Variants in LYST observed in about 807,000 individuals in gnomAD.
LYST encodes the protein lysosomal trafficking regulator.
Under a neutral mutation model 413.6 loss-of-function variants are expected in LYST, and 192 were observed. The ratio of observed to expected loss-of-function variants is 0.46; its 90% CI spans 0.41 to 0.52. LYST has a LOEUF of 0.52. LYST is among the 20% of genes least tolerant of loss of function. The pLI, the probability that LYST is intolerant of heterozygous loss-of-function variation, is 0.00. For synonymous variants in LYST, 1,525 were observed against 1,567.3 expected (o/e 0.97, Z 0.64); for missense variants, 3,815 against 4,499.9 (o/e 0.85, Z 4.35).
At chr1:235,830,464 C>T in intron 2 of LYST, 40 bp from the exon 3 acceptor site, 1 of 1,423,216 alleles carries the variant, frequency 7.0e-7, no homozygotes, top group Non-Finnish European at 9.7e-7. Flanking sequence ...ATTAGGAAAA[C>T]AAATACAAAT....
intron 19 of LYST, among the ~76,000 whole-genome samples, chr1:235,770,862 CCTTAAAATG>C (rs1200576085): frequency 1.5e-4 from 23 of 152,262 alleles, no homozygotes; most frequent in African/African-American, 5.5e-4. Flanking sequence ...CTTGACAGTG[CCTTAAAATG>C]CTTCTCCCAT....
At chr1:235,864,945 G>A (rs1680322007) in intron 1 of LYST, among the ~76,000 whole-genome samples, 1 of 152,084 alleles carries the variant, frequency 6.6e-6, no homozygotes. Flanking sequence ...AAAAATAAAA[G>A]GTAAGGTTCT....
At chr1:235,801,715 A>G (rs917257165) in intron 8 of LYST, among the ~76,000 whole-genome samples, 3 of 152,246 alleles carry the variant, frequency 2.0e-5, no homozygotes, top group Non-Finnish European at 4.4e-5. Context: ...GAAATCCAAA[A>G]TTATAAAGTC....
At chr1:235,731,843 C>G (rs1160154110) in intron 34 of LYST, among the ~76,000 whole-genome samples, 2 of 152,100 alleles carry the variant, frequency 1.3e-5, no homozygotes, top group Non-Finnish European at 2.9e-5. Flanking sequence ...CAGGCGTGAG[C>G]GCCCTCACCT....
intron 10 of LYST, among the ~76,000 whole-genome samples, chr1:235,798,578 TA>T (rs71174462): frequency 1.8e-4 from 15 of 81,696 alleles, no homozygotes; most frequent in South Asian, 5.5e-4. Context: ...AACCCTGTCA[TA>T]AAAAAAAAAA....
intron 1 of LYST, among the ~76,000 whole-genome samples, chr1:235,852,464 C>T (rs1019585985): frequency 6.6e-6 from 1 of 152,190 alleles, no homozygotes; most frequent in Non-Finnish European, 1.5e-5. Context: ...AATCTCAGCA[C>T]TTTGCCGGAC....
At chr1:235,873,812 C>G (rs1362692042) in intron 1 of LYST, among the ~76,000 whole-genome samples, 1 of 152,178 alleles carries the variant, frequency 6.6e-6, no homozygotes, top group African/African-American at 2.4e-5. Context: ...ACACAATAGA[C>G]AGGCTAAGAA....
In LYST at chr1:235,709,098, T is replaced by A. The variant is rs1221711296; in HGVS notation, c.10136A>T (p.His3379Leu). ...TTTAAAAGAGTCACTTACAGCAGGA[T>A]GAAAAACATTGATCGCTTGAACAGA... ...KASVQAINVF[H>L]PATYFGMDVS... The change falls in exon 44 of 53, where the codon CAT becomes CTT. Residue 3379 changes from histidine (H) to leucine (L), a missense_variant. His to Leu is a moderately conservative substitution (Grantham distance 99). Coordinates refer to ENST00000389793, the MANE Select transcript of LYST (RefSeq NM_000081.4). 1 of 1,613,832 alleles carries A rather than the reference T, an allele frequency of 6.2e-7. No individual in the cohort carries two copies. Among genetic ancestry groups the A allele is most frequent in the Non-Finnish European group, 8.5e-7 (1 of 1,179,756 alleles).
Position 235,810,204 on chromosome 1 carries a change from AG to A in LYST, c.613del (p.Asp206ThrfsTer3). The A allele has an allele frequency of 6.2e-7, 1 of 1,614,098 alleles. No individual in the cohort carries two copies. The highest frequency in any genetic ancestry group is 8.5e-7 in the Non-Finnish European group (1 of 1,179,966). ...CTGTTCTTTGGTTGCTAAGCGGTCAAGTTTAGCTTTGGGGTGGTCTTGTTTA... is the reference window on the plus strand; with the variant it reads ...CTGTTCTTTGGTTGCTAAGCGGTCAATTTAGCTTTGGGGTGGTCTTGTTTA... Reference protein sequence around the residue: ...FPKQDHPKAKLDRLATKEQTP... With the variant: ...FPKQDHPKAKXDRLATKEQTP... On this transcript the variant is annotated frameshift_variant, in exon 5 of 53. Coordinates refer to ENST00000389793, the MANE Select transcript of LYST (RefSeq NM_000081.4). LOFTEE classifies it high-confidence loss of function.
intron 39 of LYST, among the ~76,000 whole-genome samples, chr1:235,722,859 AATC>A (rs763540956): frequency 2.6e-5 from 4 of 152,246 alleles, no homozygotes; most frequent in Non-Finnish European, 4.4e-5. Flanking sequence ...GGTCAAAAAT[AATC>A]ATCATATAAC....
chr1:235,831,454 C>T (rs903199279), intron 2 of LYST, among the ~76,000 whole-genome samples: 1 of 152,068 alleles, frequency 6.6e-6, no homozygotes, highest in Non-Finnish European at 1.5e-5. Context: ...TGAAAGGTCA[C>T]GCAGAGATGG....
chr1:235,708,037 T>C (rs1365143757), intron 44 of LYST, among the ~76,000 whole-genome samples: 1 of 152,166 alleles, frequency 6.6e-6, no homozygotes, highest in Admixed American at 6.5e-5. Context: ...ATTTTTGGAT[T>C]AAGAATGCTC....
chr1:235,834,234 T>G (rs1026062456), intron 1 of LYST, among the ~76,000 whole-genome samples: 2 of 152,200 alleles, frequency 1.3e-5, no homozygotes, highest in African/African-American at 4.8e-5. Context: ...AGGATAAATT[T>G]CTATTTCTGG....
chr1:235,702,806 A>G lies in LYST; in HGVS notation c.10315T>C (p.Leu3439=). The change falls in exon 45 of 53, where the codon TTG becomes CTG. Residue 3439 remains leucine (L), a synonymous_variant. Coordinates refer to ENST00000389793, the MANE Select transcript of LYST (RefSeq NM_000081.4). The part of the protein sequence containing the change: ...IEGELPAAVG[L]LVQFAFRETR... ...TCCCTGAAAGCAAACTGCACTAGCA[A>G]CCCCACAGCAGCTGGAAGCTCTCCT... 6.2e-7 allele frequency: 1 copy of G among 1,614,078 alleles called. No individual in the cohort carries two copies. Among genetic ancestry groups the G allele is most frequent in the Non-Finnish European group, 8.5e-7 (1 of 1,180,000 alleles).
chr1:235,809,509 T>A lies in LYST; in HGVS notation c.1309A>T (p.Ile437Phe). 6.2e-7 allele frequency: 1 copy of A among 1,614,106 alleles called. No individual in the cohort carries two copies. Among genetic ancestry groups the A allele is most frequent in the African/African-American group, 1.3e-5 (1 of 75,046 alleles). Residue 437 changes from isoleucine to phenylalanine, a missense_variant, in exon 5 of 53, where the codon ATT (isoleucine) becomes TTT (phenylalanine). By Grantham distance (21) the Ile-to-Phe change is conservative. Coordinates refer to ENST00000389793, the MANE Select transcript of LYST (RefSeq NM_000081.4). The surrounding 1 kb of genome is among the most constrained non-coding windows in gnomAD (Gnocchi z 4.0). ...SQAMDLVQEFIQHHGFNLFET... is the reference protein window; with the variant it reads ...SQAMDLVQEFFQHHGFNLFET... ...AATAAATTAAATCCATGATGCTGAA[T>A]GAATTCTTGAACCAAATCCATGGCT...
chr1:235,662,853 C>G lies in LYST; in HGVS notation c.*87G>C. The G allele has an allele frequency of 1.2e-6, 1 of 809,662 alleles. No homozygotes were observed. The highest frequency in any genetic ancestry group is 2.2e-6 in the Non-Finnish European group (1 of 446,696). The allele number at this position is 809,662 out of a possible 1,614,324, so 50.2% of individuals were successfully genotyped here. A position where few individuals can be genotyped will look rare whatever the true frequency, so the allele number is the denominator to read the frequency against. ...GGATGGTTTGTCCAGTCATCCATTT[C>G]TTTAGGTTCAACCTCCTAAAACTGG... is the stretch of plus-strand genomic sequence containing the variant. On this transcript the variant is annotated 3_prime_UTR_variant, in exon 53 of 53. Transcript: ENST00000389793.
At chr1:235,773,086 G>A (rs1362826120) in intron 19 of LYST, among the ~76,000 whole-genome samples, 2 of 152,144 alleles carry the variant, frequency 1.3e-5, no homozygotes, top group Admixed American at 1.3e-4. Context: ...GGAAGCCGAG[G>A]CAGGCAGATC....
At chr1:235,770,677 T>C (rs1260654942) in intron 19 of LYST, among the ~76,000 whole-genome samples, 2 of 152,220 alleles carry the variant, frequency 1.3e-5, no homozygotes, top group Admixed American at 6.5e-5. Flanking sequence ...CACATTTCAA[T>C]ACCAATCTGC....
chr1:235,783,454 G>A (rs781200365), intron 14 of LYST, among the ~76,000 whole-genome samples: 3 of 151,942 alleles, frequency 2.0e-5, no homozygotes, highest in South Asian at 4.2e-4. Context: ...CACAGGGAGG[G>A]GAACATCACA....
Sources: gnomAD v4.1 joint callset for allele counts (sites outside exome capture counted in the v4.1 genomes callset) on GRCh38, gnomAD v4.1.1 for gene constraint, Gnocchi (gnomAD v3.1) non-coding constraint, MANE v1.5 for transcripts, NCBI Gene and HGNC (gene_info 2026-07-23, HGNC 2026-07-21) for gene names.